The following RASSF6 variants were observed in gnomAD, a reference collection of about 807,000 sequenced individuals.
RASSF6 encodes ras association domain-containing protein 6.
A neutral mutation model predicts 44.0 loss-of-function variants in RASSF6; 52 were observed. That is an observed-to-expected ratio of 1.18 (90% CI 0.95 to 1.49). The LOEUF (loss-of-function observed/expected upper bound fraction) is 1.49. Ranked by LOEUF, RASSF6 falls within the 40% of genes most tolerant of loss-of-function variation. The probability of loss-of-function intolerance (pLI) is 0.00; values close to 1 mark genes in which losing one functional copy is unlikely to be tolerated. For synonymous variants in RASSF6, 162 were observed against 124.6 expected, an observed-to-expected ratio of 1.30 and a Z score of -2.00; for missense variants, 464 against 393.3, an observed-to-expected ratio of 1.18 and a Z score of -1.52.
chr4:73,603,070 G>A (rs1725390601), intron 2 of RASSF6, among the ~76,000 whole-genome samples: 1 of 151,890 alleles, frequency 6.6e-6, no homozygotes, highest in Non-Finnish European at 1.5e-5. Flanking sequence ...CCTGGGCGAC[G>A]GAGCAAGTTT....
At chr4:73,601,344 A>G (rs1445512242) in intron 2 of RASSF6, among the ~76,000 whole-genome samples, 1 of 152,230 alleles carries the variant, frequency 6.6e-6, no homozygotes, top group Non-Finnish European at 1.5e-5. Context: ...TTATAACTGC[A>G]GAGATGAGTA....
At chr4:73,607,734 AACCC>A (rs74266874) in intron 2 of RASSF6, among the ~76,000 whole-genome samples, 145,339 of 147,296 alleles carry the variant, frequency 0.99, 71,735 homozygotes, top group Middle Eastern at 1. Context: ...TCTTTTAAAG[AACCC>A]TCCAGGTGGT....
chr4:73,610,996 A>G (rs1056575071), intron 2 of RASSF6, among the ~76,000 whole-genome samples: 6 of 152,008 alleles, frequency 3.9e-5, no homozygotes, highest in African/African-American at 1.2e-4. Context: ...CTGTGGCTTT[A>G]TTTCCATATT....
At chr4:73,603,089 A>G (rs890561053) in intron 2 of RASSF6, among the ~76,000 whole-genome samples, 7 of 151,820 alleles carry the variant, frequency 4.6e-5, no homozygotes, top group African/African-American at 1.7e-4. Context: ...TTCCGTCTCA[A>G]AAGAAGAAAG....
At chr4:73,611,523 A>G (rs1041473703) in intron 2 of RASSF6, among the ~76,000 whole-genome samples, 11 of 152,078 alleles carry the variant, frequency 7.2e-5, no homozygotes, top group Non-Finnish European at 1.3e-4. Flanking sequence ...AAGTAAAACC[A>G]CTGTTAAACA....
intron 1 of RASSF6, among the ~76,000 whole-genome samples, chr4:73,612,992 G>A (rs1726126771): frequency 6.6e-6 from 1 of 152,072 alleles, no homozygotes; most frequent in South Asian, 2.1e-4. Context: ...GCAGCAGAGG[G>A]CCCTCCTCAC....
chr4:73,607,834 T>TCTCCCCTCCC (rs1725745125), intron 2 of RASSF6, among the ~76,000 whole-genome samples: 1 of 148,356 alleles, frequency 6.7e-6, no homozygotes, highest in East Asian at 2.0e-4. Context: ...TCTCCTCTCC[T>TCTCCCCTCCC]CTCCCCTCCC....
chr4:73,580,007 T>C (rs1159237491), intron 8 of RASSF6, among the ~76,000 whole-genome samples: 2 of 147,830 alleles, frequency 1.4e-5, no homozygotes, highest in South Asian at 2.2e-4. Context: ...TATCTCCTAA[T>C]GCTATCCCTC....
intron 1 of RASSF6, among the ~76,000 whole-genome samples, chr4:73,618,262 A>G (rs1413580141): frequency 1.3e-5 from 2 of 152,062 alleles, no homozygotes; most frequent in Non-Finnish European, 2.9e-5. Context: ...GAATAAATGT[A>G]AATTCAACAC....
chr4:73,596,196 C>T (rs898590928), intron 3 of RASSF6, among the ~76,000 whole-genome samples: 4 of 152,168 alleles, frequency 2.6e-5, no homozygotes, highest in African/African-American at 9.6e-5. Flanking sequence ...GGAAGTCAAA[C>T]TATCCCTGTT....
chr4:73,581,828 A>G lies in RASSF6; in HGVS notation c.710T>C (p.Phe237Ser). 2 of 1,610,036 alleles carry G rather than the reference A, an allele frequency of 1.2e-6. No individual in the cohort carries two copies. Among genetic ancestry groups the G allele is most frequent in the Non-Finnish European group, 1.7e-6 (2 of 1,176,746 alleles). Reference sequence around the variant, plus strand: ...TCAAGCTTTCTTACCTCCTGTTGCAAAAATAATGTGAAGAGCAAAATCCTG... The same window carrying G: ...TCAAGCTTTCTTACCTCCTGTTGCAGAAATAATGTGAAGAGCAAAATCCTG... ...SPQDFALHII[F>S]ATGEQRRLKK... Residue 237 changes from phenylalanine to serine, a missense_variant, in exon 8 of 11, where the codon TTT becomes TCT. Transcript: ENST00000307439.
At position 73,575,990 on chromosome 4, in the gene RASSF6, A is replaced by T. The variant is rs1723181310; in HGVS notation, c.*245T>A. 9.3e-6 allele frequency: 3 copies of T among 323,826 alleles called. No individual in the cohort carries two copies. The highest frequency in any genetic ancestry group is 1.7e-5 in the Non-Finnish European group (3 of 178,660). The allele number at this position is 323,826 out of a possible 1,614,324, so 20.1% of individuals were successfully genotyped here. A position where few individuals can be genotyped will look rare whatever the true frequency, so the allele number is the denominator to read the frequency against. On this transcript the variant is annotated 3_prime_UTR_variant, in exon 11 of 11. Transcript: ENST00000307439. ...CATTACATGGTTTACTATAAAAGCTATTTGGCATATGCAGTATTCAAGCTT... is the reference window on the plus strand; with the variant it reads ...CATTACATGGTTTACTATAAAAGCTTTTTGGCATATGCAGTATTCAAGCTT...
At chr4:73,607,277 T>C (rs1725708973) in intron 2 of RASSF6, among the ~76,000 whole-genome samples, 1 of 152,216 alleles carries the variant, frequency 6.6e-6, no homozygotes, top group African/African-American at 2.4e-5. Flanking sequence ...CTGTTTGGTC[T>C]CTCTCCTGCC....
chr4:73,619,141 C>G (rs1295878243), intron 1 of RASSF6, among the ~76,000 whole-genome samples: 1 of 152,160 alleles, frequency 6.6e-6, no homozygotes. Flanking sequence ...AAAGCAGTCT[C>G]CTTTATAAAA....
intron 6 of RASSF6, among the ~76,000 whole-genome samples, chr4:73,583,852 C>G (rs757160782): frequency 1.3e-5 from 2 of 152,092 alleles, no homozygotes; most frequent in Non-Finnish European, 2.9e-5. Context: ...ATGAAACTTG[C>G]TCAGCAAGAA....
chr4:73,618,140 G>C (rs557489830), intron 1 of RASSF6, among the ~76,000 whole-genome samples: 4 of 151,874 alleles, frequency 2.6e-5, no homozygotes, highest in African/African-American at 4.8e-5. Flanking sequence ...TAATTTTTTC[G>C]TAATCATTGC....
Position 73,611,716 on chromosome 4 carries a change from A to G in RASSF6, c.65+15T>C. 1 of 1,526,808 alleles carries G rather than the reference A, an allele frequency of 6.5e-7. No homozygotes were observed. Among genetic ancestry groups the G allele is most frequent in the Non-Finnish European group, 9.1e-7 (1 of 1,101,590 alleles). 94.6% of individuals were successfully genotyped at this position (1,526,808 alleles called of 1,614,324 possible). A position where few individuals can be genotyped will look rare whatever the true frequency, so the allele number is the denominator to read the frequency against. ...TGGTGAGTAGGACAATGTATAATAT[A>G]AGGTGTGTGGTTACCTGGTTATGAA... On this transcript the variant is annotated intron_variant, in intron 2 of 10. Transcript: ENST00000307439.
chr4:73,602,213 T>G (rs771319206), intron 2 of RASSF6, among the ~76,000 whole-genome samples: 14 of 152,114 alleles, frequency 9.2e-5, no homozygotes, highest in Non-Finnish European at 2.1e-4. Context: ...TCGCAGGCAA[T>G]GGGCAGCTAT....
chr4:73,609,985 G>C (rs1191927222), intron 2 of RASSF6, among the ~76,000 whole-genome samples: 1 of 152,090 alleles, frequency 6.6e-6, no homozygotes, highest in Non-Finnish European at 1.5e-5. Flanking sequence ...CTGTGAACAG[G>C]CATCTGAGTC....
Sources: gnomAD v4.1 joint callset for allele counts (sites outside exome capture counted in the v4.1 genomes callset) on GRCh38, gnomAD v4.1.1 for gene constraint, MANE v1.5 for transcripts, NCBI Gene and HGNC (gene_info 2026-07-23, HGNC 2026-07-21) for gene names.